The following ADAMTSL1 variants were observed in gnomAD, a reference collection of about 807,000 sequenced individuals.
ADAMTSL1 encodes ADAMTS like 1.
In ADAMTSL1, 126 loss-of-function variants were observed where a neutral mutation model predicts 201.8. The observed-to-expected ratio is 0.62, with a 90% CI of 0.54 to 0.72. ADAMTSL1 has a LOEUF of 0.72. Among genes scored for constraint, ADAMTSL1 ranks in the 30% least tolerant of loss-of-function variants. The probability of loss-of-function intolerance (pLI) is 0.00; values close to 1 mark genes in which losing one functional copy is unlikely to be tolerated. For missense variants in ADAMTSL1, 2,679 were observed against 2,277.8 expected (o/e 1.18, Z -3.59); for synonymous variants, 1,121 against 903.4 (o/e 1.24, Z -4.32).
chr9:17,958,615 C>G (rs116416985), intron 1 of ADAMTSL1, among the ~76,000 whole-genome samples: 2 of 152,110 alleles, frequency 1.3e-5, no homozygotes, highest in African/African-American at 4.8e-5. Flanking sequence ...GCTTCCATTT[C>G]TATGGCATGG....
intron 1 of ADAMTSL1, among the ~76,000 whole-genome samples, chr9:18,100,885 ACT>A (rs1424324805): frequency 3.3e-5 from 5 of 151,826 alleles, no homozygotes; most frequent in Non-Finnish European, 5.9e-5. Flanking sequence ...TTTTGAAATT[ACT>A]CTTTTATGAG....
At chr9:18,691,090 A>C (rs1481637589) in intron 13 of ADAMTSL1, among the ~76,000 whole-genome samples, 1 of 152,242 alleles carries the variant, frequency 6.6e-6, no homozygotes, top group Non-Finnish European at 1.5e-5. Flanking sequence ...GAAATGAGCT[A>C]GCTGTCTTTA....
chr9:18,059,601 C>T (rs548278990), intron 1 of ADAMTSL1, among the ~76,000 whole-genome samples: 2 of 152,256 alleles, frequency 1.3e-5, no homozygotes, highest in African/African-American at 2.4e-5. Flanking sequence ...GTTTTATACA[C>T]ACATTATCAC....
chr9:18,276,072 A>G (rs886874385), intron 2 of ADAMTSL1, among the ~76,000 whole-genome samples: 2 of 152,106 alleles, frequency 1.3e-5, no homozygotes, highest in African/African-American at 2.4e-5. Flanking sequence ...TTAGCCACCA[A>G]AAGTCTTTAG....
intron 2 of ADAMTSL1, among the ~76,000 whole-genome samples, chr9:18,432,559 C>T (rs189617204): frequency 5.7e-4 from 87 of 152,132 alleles, no homozygotes; most frequent in African/African-American, 2.0e-3. Flanking sequence ...AGCACATCAC[C>T]AAAAATTATC....
In ADAMTSL1 at chr9:18,423,511, G is replaced by A. The variant is rs142000139; in HGVS notation, c.208-81318G>A. On this transcript the variant is annotated intron_variant, in intron 2 of 29. Transcript: ENST00000680146. Reference sequence around the variant, plus strand: ...AGAGAGAAGTCATTTAAGTGAATATGTATTCAACAAACCTTTCATGAGAAT... The same window carrying A: ...AGAGAGAAGTCATTTAAGTGAATATATATTCAACAAACCTTTCATGAGAAT... Among the ~76,000 whole-genome samples, 4 of 152,270 alleles carry A rather than the reference G, an allele frequency of 2.6e-5. No homozygotes were observed. In the East Asian group the frequency reaches 7.7e-4, roughly 29 times the overall value.
intron 21 of ADAMTSL1, among the ~76,000 whole-genome samples, chr9:18,820,301 G>T (rs747589909): frequency 2.6e-5 from 4 of 152,142 alleles, no homozygotes; most frequent in Non-Finnish European, 5.9e-5. Flanking sequence ...TCACAGTCTG[G>T]GAAGGAGAAA....
intron 1 of ADAMTSL1, among the ~76,000 whole-genome samples, chr9:18,122,721 C>T (rs919327136): frequency 1.3e-4 from 20 of 152,084 alleles, no homozygotes; most frequent in African/African-American, 3.1e-4. Context: ...TTCTTTTCAG[C>T]GGTGCTGGTA....
At chr9:18,014,961 T>A (rs1454875016) in intron 1 of ADAMTSL1, among the ~76,000 whole-genome samples, 3 of 152,080 alleles carry the variant, frequency 2.0e-5, no homozygotes, top group Admixed American at 1.3e-4. Flanking sequence ...TTAAAGTTAA[T>A]CTCGGCTGTA....
intron 7 of ADAMTSL1, among the ~76,000 whole-genome samples, chr9:18,654,821 C>G (rs907398137): frequency 6.6e-6 from 1 of 152,234 alleles, no homozygotes; most frequent in Non-Finnish European, 1.5e-5. Context: ...AGCAGGCATA[C>G]TGATGTATGT....
intron 1 of ADAMTSL1, among the ~76,000 whole-genome samples, chr9:17,994,005 A>G (rs975611922): frequency 2.0e-4 from 30 of 151,350 alleles, no homozygotes; most frequent in African/African-American, 7.1e-4. Flanking sequence ...AGTTTTTTTA[A>G]TTCGATTTTT....
intron 20 of ADAMTSL1, among the ~76,000 whole-genome samples, chr9:18,808,157 A>G (rs1823281590): frequency 6.6e-6 from 1 of 152,214 alleles, no homozygotes; most frequent in Admixed American, 6.5e-5. Flanking sequence ...AAAAGAGTAC[A>G]ATGTATTGAA....
intron 1 of ADAMTSL1, among the ~76,000 whole-genome samples, chr9:18,075,692 G>T (rs1169464914): frequency 6.6e-6 from 1 of 152,204 alleles, no homozygotes; most frequent in Admixed American, 6.5e-5. Context: ...ATTAGGGAAA[G>T]AAAGTAACAT....
At chr9:18,886,166 G>GTATGTGTATATA (rs55916376) in intron 23 of ADAMTSL1, among the ~76,000 whole-genome samples, 32 of 37,114 alleles carry the variant, frequency 8.6e-4, no homozygotes, top group Non-Finnish European at 1.3e-3. Context: ...GTGTGTATGT[G>GTATGTGTATATA]TATATATATA....
intron 1 of ADAMTSL1, among the ~76,000 whole-genome samples, chr9:18,000,982 C>A (rs538279631): frequency 2.0e-5 from 3 of 152,056 alleles, no homozygotes; most frequent in East Asian, 3.9e-4. Flanking sequence ...GTAGGGGGAA[C>A]CTGGATTGAC....
chr9:18,792,914 T>C (rs547649305), intron 19 of ADAMTSL1, among the ~76,000 whole-genome samples: 2 of 152,190 alleles, frequency 1.3e-5, no homozygotes, highest in Admixed American at 6.5e-5. Context: ...TGTTTGACTT[T>C]GAGAAAAAAG....
intron 2 of ADAMTSL1, among the ~76,000 whole-genome samples, chr9:18,406,313 T>TCTTTTCTTTTCTTTTCTTTTCTTTC: frequency 6.1e-5 from 9 of 146,912 alleles, no homozygotes; most frequent in Admixed American, 2.1e-4. Flanking sequence ...TCTTTTCTTT[T>TCTTTTCTTTTCTTTTCTTTTCTTTC]CTTTTCTTTT....
At chr9:17,928,576 CA>C (rs1207364467) in intron 1 of ADAMTSL1, among the ~76,000 whole-genome samples, 2 of 152,026 alleles carry the variant, frequency 1.3e-5, no homozygotes, top group Non-Finnish European at 2.9e-5. Context: ...GTTGCTAGGA[CA>C]TTATTTTTCC....
intron 2 of ADAMTSL1, among the ~76,000 whole-genome samples, chr9:18,466,761 AT>A (rs1370389926): frequency 6.6e-6 from 1 of 152,000 alleles, no homozygotes; most frequent in Admixed American, 6.6e-5. Flanking sequence ...ATATGAGATA[AT>A]TTTTTTAACA....
Sources: gnomAD v4.1 joint callset for allele counts (sites outside exome capture counted in the v4.1 genomes callset) on GRCh38, gnomAD v4.1.1 for gene constraint, MANE v1.5 for transcripts, NCBI Gene and HGNC (gene_info 2026-07-23, HGNC 2026-07-21) for gene names.